The following SPNS2 variants were observed in gnomAD, a reference collection of about 807,000 sequenced individuals.
The protein encoded by SPNS2 is SPNS lysolipid transporter 2, sphingosine-1-phosphate.
In SPNS2, 37 loss-of-function variants were observed where a neutral mutation model predicts 57.6. That is an observed-to-expected ratio of 0.64 (90% CI 0.49 to 0.85). The LOEUF (loss-of-function observed/expected upper bound fraction) is 0.85. Among genes scored for constraint, SPNS2 ranks in the 40% least tolerant of loss-of-function variants. SPNS2 has a pLI of 0.00. For synonymous variants in SPNS2, 440 were observed against 346.9 expected (o/e 1.27, Z -2.98); for missense variants, 831 against 779.1 (o/e 1.07, Z -0.79).
intron 6 of SPNS2, 49 bp downstream of exon 6, chr17:4,532,733 A>T: frequency 6.3e-7 from 1 of 1,591,900 alleles, no homozygotes; most frequent in East Asian, 2.2e-5. Flanking sequence ...GGGTGCTGAG[A>T]TGAGAGGGCC....
intron 2 of SPNS2, 39 bp from the exon 3 acceptor site, chr17:4,525,017 AG>A: frequency 3.1e-6 from 5 of 1,600,276 alleles, no homozygotes; most frequent in Non-Finnish European, 4.3e-6. Context: ...GCCGGGGCGC[AG>A]GGACCTGGGC....
rs1226380742 is a variant in SPNS2 at position 4,511,593 on chromosome 17, C to T, written c.371-1654C>T. ...GGGTCAGGGCACCTCAGAGGTCCCT[C>T]TTGCTGGCTCTGCCATCCACAGGCC... On this transcript the variant is annotated intron_variant, in intron 1 of 12. Transcript: ENST00000329078. The surrounding 1 kb of genome is among the most constrained non-coding windows in gnomAD (Gnocchi z 4.6). 2.0e-5 allele frequency among the ~76,000 whole-genome samples: 3 copies of T among 152,224 alleles called. No individual in the cohort carries two copies. The highest frequency in any genetic ancestry group is 7.2e-5 in the African/African-American group (3 of 41,450).
Position 4,525,094 on chromosome 17 carries a change from C to T in SPNS2, c.474C>T (p.Phe158=), listed in dbSNP as rs767136085. Residue 158 remains phenylalanine, a synonymous_variant, in exon 3 of 13, where the codon TTC becomes TTT. Transcript: ENST00000329078. ...ICSFMVAAPI[F]GYLGDRFNRK... ...GCTTCATGGTGGCTGCCCCCATCTT[C>T]GGCTACCTGGGCGACCGCTTCAACA... The T allele has an allele frequency of 6.2e-6, 10 of 1,614,214 alleles. No individual in the cohort carries two copies. The highest frequency in any genetic ancestry group is 5.0e-5 in the Admixed American group (3 of 60,030).
At chr17:4,504,626 G>T (rs1294791747) in intron 1 of SPNS2, among the ~76,000 whole-genome samples, 1 of 152,248 alleles carries the variant, frequency 6.6e-6, no homozygotes, top group Non-Finnish European at 1.5e-5. Context: ...GCAATAGGAA[G>T]TGGCTTTTGT....
chr17:4,531,007 C>T, intron 4 of SPNS2, 46 bp from the exon 5 acceptor site: 1 of 1,606,516 alleles, frequency 6.2e-7, no homozygotes, highest in Non-Finnish European at 8.5e-7. Context: ...CTCCCTGTCC[C>T]CAGCCCCTGT....
rs1904871169 is a variant in SPNS2, at chr17:4,512,722, G to A, written c.371-525G>A. ...CAGGTGTGTGCACACACGTGCGTGC[G>A]TGTGCAGGTGTGTGTGTGCATGTAC... On this transcript the variant is annotated intron_variant, in intron 1 of 12. Transcript: ENST00000329078. This position sits in a 1 kb window ranked among gnomAD's most constrained non-coding sequence, Gnocchi z 5.2. Among the ~76,000 whole-genome samples, 1 of 151,940 alleles carries A rather than the reference G, an allele frequency of 6.6e-6. No individual in the cohort carries two copies. The highest frequency in any genetic ancestry group is 1.5e-5 in the Non-Finnish European group (1 of 67,928).
At chr17:4,530,264 C>T (rs1308903746) in intron 3 of SPNS2, among the ~76,000 whole-genome samples, 7 of 152,160 alleles carry the variant, frequency 4.6e-5, no homozygotes, top group Non-Finnish European at 7.4e-5. Flanking sequence ...TTGAGGCTCC[C>T]GAAGTGAAGT....
rs550406159 is a variant in SPNS2 at position 4,537,949 on chromosome 17, G to A, written c.*501G>A. On this transcript the variant is annotated 3_prime_UTR_variant, in exon 13 of 13. Transcript: ENST00000329078. Reference sequence around the variant, plus strand: ...GCAGTCCCGGCTTTGAGGCTCACGCGAGGGCCTGGTATGCAGGGACCACTG... The same window carrying A: ...GCAGTCCCGGCTTTGAGGCTCACGCAAGGGCCTGGTATGCAGGGACCACTG... 3.1e-4 allele frequency: 119 copies of A among 379,476 alleles called. 1 individual carries two copies. The highest frequency in any genetic ancestry group is 5.1e-4 in the South Asian group (27 of 52,968). 23.5% of individuals were successfully genotyped at this position (379,476 alleles called of 1,614,324 possible). A position where few individuals can be genotyped will look rare whatever the true frequency, so the allele number is the denominator to read the frequency against.
At chr17:4,500,943 G>A (rs1904484808) in intron 1 of SPNS2, among the ~76,000 whole-genome samples, 2 of 152,170 alleles carry the variant, frequency 1.3e-5, no homozygotes, top group African/African-American at 4.8e-5. Flanking sequence ...GGAATATTGA[G>A]CACCTCCCAA....
intron 1 of SPNS2, among the ~76,000 whole-genome samples, chr17:4,502,618 C>T (rs1314778618): frequency 6.6e-6 from 1 of 152,146 alleles, no homozygotes; most frequent in African/African-American, 2.4e-5. Flanking sequence ...AAGACATCAC[C>T]TGAGCCTTCT....
At chr17:4,502,647 C>A (rs946985440) in intron 1 of SPNS2, among the ~76,000 whole-genome samples, 2 of 152,150 alleles carry the variant, frequency 1.3e-5, no homozygotes, top group African/African-American at 4.8e-5. Context: ...ATTCCCCTCC[C>A]GCCTGCCTCC....
intron 2 of SPNS2, among the ~76,000 whole-genome samples, chr17:4,516,316 C>CAAAAAAAAAAAA (rs67710825): frequency 8.9e-5 from 6 of 67,508 alleles, no homozygotes; most frequent in African/African-American, 4.5e-4. Flanking sequence ...TCTATCTCCC[C>CAAAAAAAAAAAA]AAAAAAAAAA....
Position 4,532,565 on chromosome 17 carries a change from C to G in SPNS2, c.816C>G (p.Ile272Met). The G allele has an allele frequency of 2.5e-6, 4 of 1,614,136 alleles. No individual in the cohort carries two copies. Among genetic ancestry groups the G allele is most frequent in the African/African-American group, 2.7e-5 (2 of 75,056 alleles). The change falls in exon 6 of 13, where the codon ATC (isoleucine) becomes ATG (methionine). Residue 272 changes from isoleucine to methionine, a missense_variant. Coordinates refer to ENST00000329078, the MANE Select transcript of SPNS2 (RefSeq NM_001124758.3). ...ALRVSPVLGM[I>M]TGTLILILVP... ...AGGTGTCCCCTGTCCTGGGCATGATCACAGGAACACTCATCCTCATTCTGG... is the reference window on the plus strand; with the variant it reads ...AGGTGTCCCCTGTCCTGGGCATGATGACAGGAACACTCATCCTCATTCTGG...
At chr17:4,526,068 G>T (rs1033743709) in intron 3 of SPNS2, among the ~76,000 whole-genome samples, 2 of 152,336 alleles carry the variant, frequency 1.3e-5, no homozygotes, top group East Asian at 3.9e-4. Context: ...CCCAGGCTTC[G>T]GGGTAGGAAG....
chr17:4,530,385 G>A (rs1458729334), intron 3 of SPNS2, among the ~76,000 whole-genome samples: 4 of 152,186 alleles, frequency 2.6e-5, no homozygotes, highest in Admixed American at 2.6e-4. Flanking sequence ...CTCTCAAGCT[G>A]GGATAGTCCC....
At chr17:4,530,834 T>C in intron 4 of SPNS2, 51 bp downstream of exon 4, 1 of 1,585,178 alleles carries the variant, frequency 6.3e-7, no homozygotes. Flanking sequence ...CAAGGTTCCC[T>C]TGGACTTCTG....
At chr17:4,533,532 C>T (rs1049456095) in intron 8 of SPNS2, 100 bp downstream of exon 8, 3 of 1,309,384 alleles carry the variant, frequency 2.3e-6, no homozygotes, top group Non-Finnish European at 3.1e-6. Flanking sequence ...TGTTCCCTTC[C>T]CTCGGGGAGG....
At chr17:4,533,710 C>A in intron 8 of SPNS2, 78 bp from the exon 9 acceptor site, 1 of 1,512,620 alleles carries the variant, frequency 6.6e-7, no homozygotes, top group Non-Finnish European at 9.2e-7. Flanking sequence ...CTGCCAGCAG[C>A]CAGTGTGTAG....
chr17:4,522,915 A>T (rs1905174357), intron 2 of SPNS2, among the ~76,000 whole-genome samples: 1 of 152,222 alleles, frequency 6.6e-6, no homozygotes, highest in Non-Finnish European at 1.5e-5. Context: ...AAGCCAGGTC[A>T]CGGCCTTTGT....
Sources: gnomAD v4.1 joint callset for allele counts (sites outside exome capture counted in the v4.1 genomes callset) on GRCh38, gnomAD v4.1.1 for gene constraint, Gnocchi (gnomAD v3.1) non-coding constraint, MANE v1.5 for transcripts, NCBI Gene and HGNC (gene_info 2026-07-23, HGNC 2026-07-21) for gene names.